Variants in ATP8A1 observed in about 807,000 individuals in gnomAD.
ATP8A1 encodes the protein ATPase phospholipid transporting 8A1.
Under a neutral mutation model 177.7 loss-of-function variants are expected in ATP8A1, and 90 were observed. The observed-to-expected ratio is 0.51, with a 90% CI of 0.43 to 0.60. The LOEUF (loss-of-function observed/expected upper bound fraction) is 0.60. Among genes scored for constraint, ATP8A1 ranks in the 20% least tolerant of loss-of-function variants. ATP8A1 has a pLI of 0.00. For missense variants in ATP8A1, 1,072 were observed against 1,392.8 expected (o/e 0.77, Z 3.67); for synonymous variants, 493 against 485.9 (o/e 1.01, Z -0.19).
At chr4:42,648,749 G>T (rs12503436) in intron 1 of ATP8A1, among the ~76,000 whole-genome samples, 52,542 of 151,870 alleles carry the variant, frequency 0.35, 9,404 homozygotes, top group African/African-American at 0.43. Flanking sequence ...AGGTATTATC[G>T]TTAACATATA....
intron 15 of ATP8A1, among the ~76,000 whole-genome samples, chr4:42,564,991 A>T (rs927494870): frequency 6.6e-6 from 1 of 152,128 alleles, no homozygotes; most frequent in Admixed American, 6.5e-5. Flanking sequence ...TATGGTTATT[A>T]TAAGGGGGAG....
At chr4:42,432,311 T>C (rs10938191) in intron 33 of ATP8A1, among the ~76,000 whole-genome samples, 56,789 of 151,932 alleles carry the variant, frequency 0.37, 10,820 homozygotes, top group African/African-American at 0.43. Flanking sequence ...AATATTAATA[T>C]CTATATTTTT....
At chr4:42,537,631 C>G (rs1727983481) in intron 20 of ATP8A1, among the ~76,000 whole-genome samples, 1 of 152,060 alleles carries the variant, frequency 6.6e-6, no homozygotes, top group Non-Finnish European at 1.5e-5. Flanking sequence ...AGTGACCAAG[C>G]TGAGAATCAA....
chr4:42,555,448 A>C (rs1293350860), intron 16 of ATP8A1, among the ~76,000 whole-genome samples: 1 of 152,202 alleles, frequency 6.6e-6, no homozygotes, highest in Non-Finnish European at 1.5e-5. Context: ...GATGAATGAT[A>C]ATATTAAAAT....
chr4:42,423,861 A>G (rs1343519929), intron 33 of ATP8A1, among the ~76,000 whole-genome samples, 156 bp from the exon 34 acceptor site: 1 of 152,252 alleles, frequency 6.6e-6, no homozygotes, highest in African/African-American at 2.4e-5. Context: ...AACTTAGAAT[A>G]TCAAAATAAA....
chr4:42,616,570 T>C (rs1264824049), intron 4 of ATP8A1, among the ~76,000 whole-genome samples: 1 of 152,238 alleles, frequency 6.6e-6, no homozygotes, highest in Non-Finnish European at 1.5e-5. Flanking sequence ...GATATGCTGA[T>C]GTCGGCCAAT....
intron 20 of ATP8A1, among the ~76,000 whole-genome samples, chr4:42,540,549 T>C (rs987028299): frequency 4.9e-5 from 6 of 122,138 alleles, no homozygotes; most frequent in East Asian, 2.2e-4. Flanking sequence ...AACAGACCAA[T>C]AGATAAAAAA....
intron 1 of ATP8A1, among the ~76,000 whole-genome samples, chr4:42,629,564 A>T (rs1033673293): frequency 1.3e-5 from 2 of 152,238 alleles, no homozygotes; most frequent in Non-Finnish European, 2.9e-5. Context: ...ATGGAGAGCC[A>T]TCAGGCACCT....
chr4:42,444,215 C>T (rs1209402401), intron 32 of ATP8A1, among the ~76,000 whole-genome samples: 1 of 152,180 alleles, frequency 6.6e-6, no homozygotes, highest in African/African-American at 2.4e-5. Flanking sequence ...TTTCAGTCTT[C>T]AGAATCACTT....
chr4:42,436,338 T>G (rs959284073), intron 33 of ATP8A1, among the ~76,000 whole-genome samples: 26 of 152,226 alleles, frequency 1.7e-4, no homozygotes, highest in Non-Finnish European at 3.1e-4. Flanking sequence ...ACTTGCCGTA[T>G]ATTGCAGGCA....
intron 22 of ATP8A1, among the ~76,000 whole-genome samples, chr4:42,507,370 A>C (rs1724477205): frequency 6.6e-6 from 1 of 152,190 alleles, no homozygotes; most frequent in Admixed American, 6.5e-5. Flanking sequence ...TGTCTAACCC[A>C]ACCCCTAAGG....
intron 3 of ATP8A1, chr4:42,625,358 C>T (rs964772223): frequency 3.9e-5 from 11 of 279,376 alleles, no homozygotes; most frequent in Non-Finnish European, 6.7e-5. Flanking sequence ...TTTAAGAAAA[C>T]GTCCCATCCC....
chr4:42,576,350 C>T (rs543674396), intron 12 of ATP8A1, among the ~76,000 whole-genome samples: 10 of 151,666 alleles, frequency 6.6e-5, no homozygotes, highest in African/African-American at 7.3e-5. Context: ...GTGGCAGGCA[C>T]CTGCAGTCCC....
At chr4:42,642,482 A>C (rs564381719) in intron 1 of ATP8A1, among the ~76,000 whole-genome samples, 18 of 152,230 alleles carry the variant, frequency 1.2e-4, no homozygotes, top group Non-Finnish European at 2.5e-4. Context: ...TAGCTAAAGA[A>C]GACGACAGAA....
chr4:42,593,613 A>C (rs1734415639), intron 6 of ATP8A1, among the ~76,000 whole-genome samples: 1 of 152,092 alleles, frequency 6.6e-6, no homozygotes. Context: ...GATGATAAAC[A>C]ACCTCTAAAA....
In ATP8A1 at chr4:42,448,395, T is replaced by TCTTTA. The variant is rs1161058315; in HGVS notation, c.2897-1752_2897-1751insTAAAG. Among the ~76,000 whole-genome samples the TCTTTA allele has an allele frequency of 1.0e-3, 85 of 84,138 alleles. 13 individuals carry two copies. The highest frequency in any genetic ancestry group is 2.4e-3 in the African/African-American group (56 of 23,634). 55.2% of individuals were successfully genotyped at this position (84,138 alleles called of 152,430 possible). On this transcript the variant is annotated intron_variant, in intron 30 of 36. Coordinates refer to ENST00000381668, the MANE Select transcript of ATP8A1 (RefSeq NM_006095.2). ...AGTAGCCTCCCTCCCTCCTTCTCTT[T>TCTTTA]CTTTTCTTTTTTTTTTTTTTGAGAT...
In ATP8A1 at chr4:42,464,990, T is replaced by C. The variant is rs2153183064; in HGVS notation, c.2411A>G (p.Asn804Ser). 1 of 1,614,198 alleles carries C rather than the reference T, an allele frequency of 6.2e-7. No individual in the cohort carries two copies. The highest frequency in any genetic ancestry group is 8.5e-7 in the Non-Finnish European group (1 of 1,180,040). ...VVTLAIGDGANDVSMIQTAHV... is the reference protein window; with the variant it reads ...VVTLAIGDGASDVSMIQTAHV... ...CGCTGTCTGTATCATGCTGACATCA[T>C]TTGCTCCATCACCGATTGCAAGCGT... Residue 804 changes from asparagine to serine, a missense_variant, in exon 26 of 37, where the codon AAT (asparagine) becomes AGT (serine). Asn to Ser is a conservative substitution (Grantham distance 46). Transcript: ENST00000381668.
intron 20 of ATP8A1, among the ~76,000 whole-genome samples, chr4:42,531,027 T>C (rs1005177673): frequency 2.0e-5 from 3 of 151,940 alleles, no homozygotes; most frequent in Non-Finnish European, 4.4e-5. Context: ...CCTGGACACT[T>C]TGGGCTCCTC....
chr4:42,655,754 GC>G (rs1269591832), intron 1 of ATP8A1, among the ~76,000 whole-genome samples: 1 of 152,110 alleles, frequency 6.6e-6, no homozygotes, highest in Non-Finnish European at 1.5e-5. Context: ...TTTACAGGGA[GC>G]CCCTAAGGAG....
Sources: allele counts gnomAD v4.1 joint callset (sites outside exome capture counted in the v4.1 genomes callset), GRCh38; gene constraint gnomAD v4.1.1; transcripts MANE v1.5; gene names NCBI Gene and HGNC (gene_info 2026-07-23, HGNC 2026-07-21).